Variants in WNT9B observed in about 807,000 individuals in gnomAD.
WNT9B encodes the protein Wnt family member 9B.
Under a neutral mutation model 30.2 loss-of-function variants are expected in WNT9B, and 12 were observed. That is an observed-to-expected ratio of 0.40 (90% CI 0.26 to 0.64). The LOEUF is 0.64. Among genes scored for constraint, WNT9B ranks in the 30% least tolerant of loss-of-function variants. The pLI, the probability that WNT9B is intolerant of heterozygous loss-of-function variation, is 0.42. For synonymous variants in WNT9B, 218 were observed against 216.9 expected, an observed-to-expected ratio of 1.01 and a Z score of -0.05; for missense variants, 442 against 485.2, an observed-to-expected ratio of 0.91 and a Z score of 0.84.
At chr17:46,872,796 G>A (rs762047495) in intron 2 of WNT9B, 23 bp downstream of exon 2, 61 of 1,369,696 alleles carry the variant, frequency 4.5e-5, no homozygotes, top group South Asian at 1.3e-4. Flanking sequence ...GCTAGGGGAC[G>A]GGGAGGGCTG....
At chr17:46,861,054 G>T (rs182435612) in intron 1 of WNT9B, among the ~76,000 whole-genome samples, 2 of 152,090 alleles carry the variant, frequency 1.3e-5, no homozygotes, top group African/African-American at 4.8e-5. Flanking sequence ...GTGCGTGTTG[G>T]GGGGAAACTG....
intron 1 of WNT9B, among the ~76,000 whole-genome samples, chr17:46,853,216 T>G (rs1389912257): frequency 6.6e-6 from 1 of 152,052 alleles, no homozygotes; most frequent in Non-Finnish European, 1.5e-5. Context: ...CTTGGCCAAG[T>G]CACTTAACTT....
At chr17:46,873,689 T>C (rs2085293998) in intron 2 of WNT9B, among the ~76,000 whole-genome samples, 1 of 150,976 alleles carries the variant, frequency 6.6e-6, no homozygotes, top group South Asian at 2.1e-4. Context: ...TGAAACCCCG[T>C]CTCTACTAAA....
chr17:46,865,237 T>C (rs2085112372), intron 1 of WNT9B, among the ~76,000 whole-genome samples: 1 of 152,222 alleles, frequency 6.6e-6, no homozygotes, highest in Non-Finnish European at 1.5e-5. Flanking sequence ...ATTGTTGAGA[T>C]GCAAAGCATG....
intron 1 of WNT9B, among the ~76,000 whole-genome samples, chr17:46,856,517 C>G (rs994088815): frequency 3.3e-5 from 5 of 149,994 alleles, no homozygotes; most frequent in African/African-American, 4.9e-5. Context: ...TGGAGTCTCA[C>G]TATGTCGCCC....
At chr17:46,835,278 C>T (rs973192601) in intron 1 of WNT9B, among the ~76,000 whole-genome samples, 22 of 152,118 alleles carry the variant, frequency 1.4e-4, no homozygotes, top group African/African-American at 4.8e-4. Flanking sequence ...GTGGCACAAT[C>T]CCGGCTCACT....
At chr17:46,858,216 C>T (rs1289651150) in intron 1 of WNT9B, among the ~76,000 whole-genome samples, 1 of 152,218 alleles carries the variant, frequency 6.6e-6, no homozygotes, top group Non-Finnish European at 1.5e-5. Flanking sequence ...AGGCGTGAGC[C>T]ACTTGGCCTA....
At position 46,875,290 on chromosome 17, in the gene WNT9B, A is replaced by G. The variant is rs577847997; in HGVS notation, c.524A>G (p.Asn175Ser). 3.1e-6 allele frequency: 5 copies of G among 1,614,026 alleles called. No individual in the cohort carries two copies. The highest frequency in any genetic ancestry group is 4.2e-6 in the Non-Finnish European group (5 of 1,180,000). ...NLKYSTKFLSNFLGSKRGNKD... is the reference protein window; with the variant it reads ...NLKYSTKFLSSFLGSKRGNKD... ...AAGTACAGCACCAAGTTTCTGAGCA[A>G]CTTCCTGGGGTCCAAGAGAGGAAAC... is the stretch of plus-strand genomic sequence containing the variant. The change falls in exon 3 of 4, where the codon AAC becomes AGC. Residue 175 changes from asparagine to serine, a missense_variant. Coordinates refer to ENST00000290015, the MANE Select transcript of WNT9B (RefSeq NM_003396.3).
intron 1 of WNT9B, among the ~76,000 whole-genome samples, chr17:46,837,737 G>T (rs928001712): frequency 6.6e-6 from 1 of 152,126 alleles, no homozygotes; most frequent in East Asian, 1.9e-4. Flanking sequence ...ATGGTCAGTG[G>T]GATTTAGTTT....
At chr17:46,842,749 G>C (rs1013173188) in intron 1 of WNT9B, among the ~76,000 whole-genome samples, 5 of 152,222 alleles carry the variant, frequency 3.3e-5, no homozygotes, top group Non-Finnish European at 5.9e-5. Flanking sequence ...GGCATGATGA[G>C]TGATGCTCAA....
Position 46,866,755 on chromosome 17 carries a change from G to A in WNT9B, c.78-5762G>A, listed in dbSNP as rs145278925. Among the ~76,000 whole-genome samples, 624 of 152,178 alleles carry A rather than the reference G, an allele frequency of 4.1e-3. 1 individual carries two copies. Among genetic ancestry groups the A allele is most frequent in the African/African-American group, 0.014 (600 of 41,506 alleles). The stretch of plus-strand genomic sequence containing the variant: ...AGTCCAGACACACTGGCATTACCTG[G>A]TGCCCTAGAAACCACCTGCCTTGTC... On this transcript the variant is annotated intron_variant, in intron 1 of 3. Transcript: ENST00000290015.
intron 1 of WNT9B, among the ~76,000 whole-genome samples, chr17:46,835,591 C>T (rs183034003): frequency 7.2e-4 from 109 of 152,376 alleles, no homozygotes; most frequent in Admixed American, 1.3e-3. Context: ...GCCTCCCTGA[C>T]TTACCCCTCC....
At chr17:46,864,981 C>T (rs1481814767) in intron 1 of WNT9B, among the ~76,000 whole-genome samples, 1 of 152,190 alleles carries the variant, frequency 6.6e-6, no homozygotes, top group Non-Finnish European at 1.5e-5. Flanking sequence ...TACATTTGGA[C>T]TCAGCCTAGG....
chr17:46,837,292 A>G lies in WNT9B; in HGVS notation c.95+3852A>G, dbSNP rs577172389. ...TTTGTTTTGCCCCCTTCATCCCTTT[A>G]CTTATGTAACCAAACTCCACCTGCA... On this transcript the variant is annotated intron_variant, in intron 1 of 2. Coordinates refer to the WNT9B transcript ENST00000575372. Among the ~76,000 whole-genome samples the G allele has an allele frequency of 5.3e-5, 8 of 152,136 alleles. 1 individual carries two copies. In the South Asian group the frequency reaches 1.0e-3, roughly 20 times the overall value.
chr17:46,875,333 G>A lies in WNT9B; in HGVS notation c.567G>A (p.Arg189=), dbSNP rs2085326985. The A allele has an allele frequency of 1.9e-6, 3 of 1,611,996 alleles. No homozygotes were observed. Among genetic ancestry groups the A allele is most frequent in the Non-Finnish European group, 2.5e-6 (3 of 1,178,508 alleles). ...SKRGNKDLRA[R]ADAHNTHVGI... is the part of the protein sequence containing the mutation. ...GAGGAAACAAGGACCTGCGGGCACG[G>A]GCAGACGCCCACAATACCCACGTGG... The change falls in exon 3 of 4, where the codon CGG becomes CGA. Residue 189 remains arginine, a synonymous_variant. Coordinates refer to ENST00000290015, the MANE Select transcript of WNT9B (RefSeq NM_003396.3).
downstream of WNT9B, chr17:46,885,145 C>T (rs531449344): frequency 2.7e-5 from 10 of 370,498 alleles, no homozygotes; most frequent in Non-Finnish European, 4.3e-5. Flanking sequence ...TGCACCACCA[C>T]GCCTGACTAA....
intron 1 of WNT9B, among the ~76,000 whole-genome samples, chr17:46,844,305 CTTTTTTTTT>C (rs34889221): frequency 1.4e-4 from 18 of 127,440 alleles, no homozygotes; most frequent in Admixed American, 9.6e-4. Context: ...AGTTAGCCAC[CTTTTTTTTT>C]TTTTTTTTTT....
chr17:46,875,288 C>A lies in WNT9B; in HGVS notation c.522C>A (p.Ser174Arg), dbSNP rs73987096. The change falls in exon 3 of 4, where the codon AGC becomes AGA. Residue 174 changes from serine (S) to arginine (R), a missense_variant. Transcript: ENST00000290015. ...DNLKYSTKFL[S>R]NFLGSKRGNK... ...TCAAGTACAGCACCAAGTTTCTGAGCAACTTCCTGGGGTCCAAGAGAGGAA... is the reference window on the plus strand; with the variant it reads ...TCAAGTACAGCACCAAGTTTCTGAGAAACTTCCTGGGGTCCAAGAGAGGAA... The A allele has an allele frequency of 2.9e-4, 475 of 1,614,158 alleles. No homozygotes were observed. The African/African-American group carries it at 5.6e-3, about 19-fold the overall frequency.
chr17:46,873,521 C>T lies in WNT9B; in HGVS notation c.334+748C>T, dbSNP rs138472600. 5.3e-5 allele frequency among the ~76,000 whole-genome samples: 8 copies of T among 152,272 alleles called. No homozygotes were observed. The East Asian group carries it at 1.5e-3, about 29-fold the overall frequency. ...TGAGGACACAGCTCCGGGTGGGTCTCCCTGTCAATTGCCCCTTAAACTCTG... is the reference window on the plus strand; with the variant it reads ...TGAGGACACAGCTCCGGGTGGGTCTTCCTGTCAATTGCCCCTTAAACTCTG... On this transcript the variant is annotated intron_variant, in intron 2 of 3. Transcript: ENST00000290015.
Sources: gnomAD v4.1 joint callset for allele counts (sites outside exome capture counted in the v4.1 genomes callset) on GRCh38, gnomAD v4.1.1 for gene constraint, MANE v1.5 for transcripts, NCBI Gene and HGNC (gene_info 2026-07-23, HGNC 2026-07-21) for gene names.